The following SHROOM3 variants were observed in gnomAD, a reference collection of about 807,000 sequenced individuals.
SHROOM3 encodes shroom family member 3, also known as protein Shroom3.
SHROOM3 carries 47 observed loss-of-function variants against 138.6 expected under a neutral mutation model. The ratio of observed to expected loss-of-function variants is 0.34; its 90% CI spans 0.27 to 0.43. The LOEUF is 0.43. Among genes scored for constraint, SHROOM3 ranks in the 20% least tolerant of loss-of-function variants. The pLI is 1.00. For synonymous variants in SHROOM3, 1,062 were observed against 1,063.3 expected (o/e 1.00, Z 0.02); for missense variants, 2,491 against 2,596.5 (o/e 0.96, Z 0.88).
At chr4:76,449,431 A>G (rs1441060578) in intron 1 of SHROOM3, among the ~76,000 whole-genome samples, 1 of 152,206 alleles carries the variant, frequency 6.6e-6, no homozygotes, top group African/African-American at 2.4e-5. Context: ...AGAATATGAC[A>G]CAGTTTCCGA....
chr4:76,555,010 C>T (rs1733452518), intron 1 of SHROOM3, among the ~76,000 whole-genome samples: 1 of 151,390 alleles, frequency 6.6e-6, no homozygotes, highest in Non-Finnish European at 1.5e-5. Context: ...CTGTCACTAT[C>T]TCTCATCGCC....
chr4:76,530,401 T>C (rs965375869), intron 1 of SHROOM3, among the ~76,000 whole-genome samples: 6 of 152,178 alleles, frequency 3.9e-5, no homozygotes, highest in African/African-American at 9.7e-5. Flanking sequence ...AAAGCCTTGA[T>C]CAGCTGCTGT....
rs61739939 is a variant in SHROOM3, at chr4:76,754,606, C to A, written c.4123C>A (p.Arg1375=). 4.4e-5 allele frequency: 71 copies of A among 1,614,004 alleles called. No homozygotes were observed. In the Admixed American group the frequency reaches 7.0e-4, roughly 16 times the overall value. ...GYCSQDGQTG[R]QPLPPYTPAM... is the part of the protein sequence containing the mutation. The stretch of plus-strand genomic sequence containing the variant: ...CTGCTCACAGGACGGTCAGACAGGG[C>A]GACAGCCTCTCCCGCCCTACACCCC... The change falls in exon 7 of 11, where the codon CGA becomes AGA. Residue 1375 remains arginine (R), a synonymous_variant. Coordinates refer to ENST00000296043, the MANE Select transcript of SHROOM3 (RefSeq NM_020859.4).
At chr4:76,567,811 T>C (rs572273411) in intron 2 of SHROOM3, among the ~76,000 whole-genome samples, 1 of 152,292 alleles carries the variant, frequency 6.6e-6, no homozygotes, top group African/African-American at 2.4e-5. Flanking sequence ...ACACATTTTG[T>C]ATGTCCTTCA....
intron 6 of SHROOM3, among the ~76,000 whole-genome samples, chr4:76,752,324 T>C (rs1721651110): frequency 1.3e-5 from 2 of 152,198 alleles, no homozygotes; most frequent in African/African-American, 4.8e-5. Flanking sequence ...TATTATTTAG[T>C]GGGTACATAG....
chr4:76,456,577 C>T (rs1731031251), intron 1 of SHROOM3, among the ~76,000 whole-genome samples: 1 of 152,126 alleles, frequency 6.6e-6, no homozygotes, highest in South Asian at 2.1e-4. Flanking sequence ...TAGATATGTA[C>T]AAGTATGTTT....
intron 2 of SHROOM3, among the ~76,000 whole-genome samples, chr4:76,696,361 C>A (rs780240642): frequency 6.6e-6 from 1 of 152,238 alleles, no homozygotes; most frequent in Non-Finnish European, 1.5e-5. Flanking sequence ...CTCCTCACTA[C>A]TGGCAGCTGG....
intron 1 of SHROOM3, among the ~76,000 whole-genome samples, chr4:76,492,548 G>A (rs1731874877): frequency 6.6e-6 from 1 of 151,934 alleles, no homozygotes; most frequent in African/African-American, 2.4e-5. Context: ...CTGAAGCTTG[G>A]GGTATTATAT....
At chr4:76,593,420 G>A (rs2110050283) in intron 2 of SHROOM3, among the ~76,000 whole-genome samples, 1 of 152,270 alleles carries the variant, frequency 6.6e-6, no homozygotes, top group Non-Finnish European at 1.5e-5. Flanking sequence ...CCCAAAGACA[G>A]TAAAGAACAC....
intron 2 of SHROOM3, among the ~76,000 whole-genome samples, chr4:76,569,248 A>AG (rs755710081): frequency 1.3e-4 from 14 of 106,478 alleles, no homozygotes; most frequent in Admixed American, 3.8e-4. Flanking sequence ...CCAATTTGTC[A>AG]GGGGGGGAAA....
At chr4:76,706,587 G>T (rs558612583) in intron 2 of SHROOM3, among the ~76,000 whole-genome samples, 3 of 152,172 alleles carry the variant, frequency 2.0e-5, no homozygotes, top group Non-Finnish European at 4.4e-5. Flanking sequence ...AGAGATGGAC[G>T]AAGAGGTGGA....
In SHROOM3 at chr4:76,706,726, ACT is replaced by A. The variant is rs1412705162; in HGVS notation, c.324-3425_324-3424del. On this transcript the variant is annotated intron_variant, in intron 2 of 10. Coordinates refer to ENST00000296043, the MANE Select transcript of SHROOM3 (RefSeq NM_020859.4). ...TCATTCAACAAATATTTATTGAGCA[ACT>A]CTCTGTTCCAGGCACTAAGCTGAGC... is the stretch of plus-strand genomic sequence containing the variant. Among the ~76,000 whole-genome samples, 6 of 152,230 alleles carry A rather than the reference ACT, an allele frequency of 3.9e-5. No individual in the cohort carries two copies. The East Asian group carries it at 9.7e-4, about 24-fold the overall frequency.
intron 2 of SHROOM3, among the ~76,000 whole-genome samples, chr4:76,557,593 A>T (rs1577883953): frequency 6.6e-6 from 1 of 152,252 alleles, no homozygotes; most frequent in Non-Finnish European, 1.5e-5. Context: ...AAAATTTGCT[A>T]TGAGAATAGA....
intron 1 of SHROOM3, among the ~76,000 whole-genome samples, chr4:76,528,348 T>C (rs1484461811): frequency 2.0e-5 from 3 of 149,782 alleles, no homozygotes; most frequent in African/African-American, 7.4e-5. Flanking sequence ...TTCTTCTTTT[T>C]TTTTTTTTTT....
intron 1 of SHROOM3, among the ~76,000 whole-genome samples, chr4:76,552,652 A>T (rs540248307): frequency 6.6e-6 from 1 of 151,106 alleles, no homozygotes; most frequent in Non-Finnish European, 1.5e-5. Context: ...ATATATATAG[A>T]TATCTATATA....
At chr4:76,634,513 A>G (rs573380116) in intron 2 of SHROOM3, among the ~76,000 whole-genome samples, 1 of 152,242 alleles carries the variant, frequency 6.6e-6, no homozygotes, top group South Asian at 2.1e-4. Flanking sequence ...ATCACTTTCA[A>G]CGTTTCCCAA....
At chr4:76,721,474 T>C (rs903403093) in intron 3 of SHROOM3, among the ~76,000 whole-genome samples, 3 of 152,328 alleles carry the variant, frequency 2.0e-5, no homozygotes, top group East Asian at 3.9e-4. Flanking sequence ...GGTGGAGTAC[T>C]AGGTAGCTGA....
At chr4:76,767,280 A>G (rs1278044845) in intron 9 of SHROOM3, among the ~76,000 whole-genome samples, 1 of 152,160 alleles carries the variant, frequency 6.6e-6, no homozygotes, top group Non-Finnish European at 1.5e-5. Context: ...ATTTGAAAGG[A>G]TGAGTTCTCT....
At chr4:76,712,880 C>T (rs1401236817) in intron 3 of SHROOM3, among the ~76,000 whole-genome samples, 2 of 152,204 alleles carry the variant, frequency 1.3e-5, no homozygotes, top group Non-Finnish European at 2.9e-5. Flanking sequence ...TTGGTGTAGC[C>T]TAGACTATGG....
Sources: gnomAD v4.1 joint callset for allele counts (sites outside exome capture counted in the v4.1 genomes callset) on GRCh38, gnomAD v4.1.1 for gene constraint, MANE v1.5 for transcripts, NCBI Gene and HGNC (gene_info 2026-07-23, HGNC 2026-07-21) for gene names.